Variants in COL18A1 observed in about 807,000 individuals in gnomAD.
COL18A1 encodes collagen type XVIII alpha 1 chain, also known as collagen alpha-1(XVIII) chain.
A neutral mutation model predicts 168.0 loss-of-function variants in COL18A1; 133 were observed. That is an observed-to-expected ratio of 0.79 (90% CI 0.69 to 0.91). The LOEUF is 0.91. COL18A1 is among the 40% of genes least tolerant of loss of function. The pLI is 0.00. For synonymous variants in COL18A1, 949 were observed against 809.0 expected, an observed-to-expected ratio of 1.17 and a Z score of -2.94; for missense variants, 2,126 against 1,925.4, an observed-to-expected ratio of 1.10 and a Z score of -1.95.
At position 45,510,151 on chromosome 21, in the gene COL18A1, G is replaced by A; in HGVS notation, c.3583G>A (p.Ala1195Thr). Residue 1195 changes from alanine to threonine, a missense_variant, in exon 40 of 42, where the codon GCC becomes ACC. Physicochemically the swap from Ala to Thr is moderately conservative, Grantham distance 58. Transcript: ENST00000651438. The stretch of plus-strand genomic sequence containing the variant: ...CTTCCAGTGCTTCCAGCAGGCGCGG[G>A]CCGTGGGGCTGGCGGGCACCTTCCG... The part of the protein sequence containing the change: ...ADFQCFQQAR[A>T]VGLAGTFRAF... The A allele has an allele frequency of 1.3e-6, 2 of 1,599,112 alleles. No individual in the cohort carries two copies. Among genetic ancestry groups the A allele is most frequent in the Non-Finnish European group, 1.7e-6 (2 of 1,173,808 alleles).
At chr21:45,493,345 G>A (rs1371494690) in intron 25 of COL18A1, 120 bp downstream of exon 25, 2 of 1,307,560 alleles carry the variant, frequency 1.5e-6, no homozygotes, top group Admixed American at 2.0e-5. Flanking sequence ...TGACACGTGA[G>A]GGGTACATCC....
In COL18A1 at chr21:45,405,399, G is replaced by A; in HGVS notation, c.32G>A (p.Arg11Gln). The A allele has an allele frequency of 7.6e-7, 1 of 1,315,392 alleles. No homozygotes were observed. The highest frequency in any genetic ancestry group is 1.9e-5 in the South Asian group (1 of 52,230). The allele number at this position is 1,315,392 out of a possible 1,614,324, so 81.5% of individuals were successfully genotyped here. Residue 11 changes from arginine (R) to glutamine (Q), a missense_variant, in exon 2 of 42, where the codon CGG becomes CAG. Transcript: ENST00000651438. MAPRCPWPWP[R>Q]RRRLLDVLAP... ...CGCAGGTGCCCCTGGCCATGGCCGC[G>A]GCGGCGGCGCCTCCTGGACGTGCTC...
rs9979845 is a variant in COL18A1, at chr21:45,480,033, G to C, written c.1312-37G>C. On this transcript the variant is annotated intron_variant, in intron 10 of 41. Coordinates refer to ENST00000651438, the MANE Select transcript of COL18A1 (RefSeq NM_001379500.1). ...TTGGCTCAAGGTGGGGGCTGTGTGC[G>C]TGCCCAGGGTATGATAGGCTTGTCT... is the stretch of plus-strand genomic sequence containing the variant. The C allele has an allele frequency of 3.4e-5, 54 of 1,611,190 alleles. No individual in the cohort carries two copies. The Admixed American group carries it at 4.2e-4, about 12-fold the overall frequency.
At chr21:45,481,909 A>T in intron 13 of COL18A1, 54 bp from the exon 14 acceptor site, 1 of 1,292,526 alleles carries the variant, frequency 7.7e-7, no homozygotes, top group South Asian at 1.2e-5. Context: ...TAACCCAGAA[A>T]TCGTTTTAGT....
intron 2 of COL18A1, among the ~76,000 whole-genome samples, chr21:45,437,274 A>G (rs1425287750): frequency 1.5e-5 from 2 of 129,586 alleles, no homozygotes; most frequent in African/African-American, 6.5e-5. Context: ...ACTCAGACAC[A>G]CAGGCACTCT....
chr21:45,482,375 A>T, intron 14 of COL18A1: 1 of 653,568 alleles, frequency 1.5e-6, no homozygotes. Flanking sequence ...TTGTGGGTGG[A>T]CCTGGCGGGA....
chr21:45,478,826 G>T (rs2035776831), intron 9 of COL18A1, among the ~76,000 whole-genome samples: 1 of 152,246 alleles, frequency 6.6e-6, no homozygotes, highest in Non-Finnish European at 1.5e-5. Context: ...CCTGGGAACA[G>T]CCTGCCCAGC....
At chr21:45,444,692 G>A (rs893692975) in intron 2 of COL18A1, among the ~76,000 whole-genome samples, 5 of 152,134 alleles carry the variant, frequency 3.3e-5, no homozygotes, top group African/African-American at 4.8e-5. Context: ...ACTACTCCAC[G>A]TGTTAGGAGG....
intron 2 of COL18A1, among the ~76,000 whole-genome samples, chr21:45,435,048 G>A (rs548088997): frequency 6.6e-6 from 1 of 152,198 alleles, no homozygotes; most frequent in Admixed American, 6.5e-5. Flanking sequence ...GGAGCACCAA[G>A]GGCTGAAGGA....
chr21:45,416,415 G>A (rs1190464977), intron 2 of COL18A1, among the ~76,000 whole-genome samples: 1 of 151,566 alleles, frequency 6.6e-6, no homozygotes, highest in Non-Finnish European at 1.5e-5. Context: ...TGGGGGTGGT[G>A]TGGGGACCGC....
chr21:45,503,722 C>T (rs1029608807), intron 32 of COL18A1, among the ~76,000 whole-genome samples: 2 of 151,530 alleles, frequency 1.3e-5, no homozygotes, highest in African/African-American at 4.9e-5. Flanking sequence ...ACCAGCATGG[C>T]ACATGTATAC....
chr21:45,509,990 G>A lies in COL18A1; in HGVS notation c.3496-74G>A, dbSNP rs889934982. ...TGCCTGTCCACACAGGTGCGGGGCCGGGGTGGTGCGCCCGGGGCCTGGGTG... is the reference window on the plus strand; with the variant it reads ...TGCCTGTCCACACAGGTGCGGGGCCAGGGTGGTGCGCCCGGGGCCTGGGTG... On this transcript the variant is annotated intron_variant, in intron 39 of 41. Coordinates refer to ENST00000651438, the MANE Select transcript of COL18A1 (RefSeq NM_001379500.1). 2.3e-5 allele frequency: 34 copies of A among 1,491,316 alleles called. No homozygotes were observed. In the South Asian group the frequency reaches 2.9e-4, roughly 13 times the overall value. 92.4% of individuals were successfully genotyped at this position (1,491,316 alleles called of 1,614,324 possible). A position where few individuals can be genotyped will look rare whatever the true frequency, so the allele number is the denominator to read the frequency against.
At chr21:45,480,311 C>T (rs1035182045) in intron 11 of COL18A1, among the ~76,000 whole-genome samples, 155 bp downstream of exon 11, 10 of 152,188 alleles carry the variant, frequency 6.6e-5, no homozygotes, top group Middle Eastern at 3.2e-3. Flanking sequence ...CCCCCATCCA[C>T]CTGCCTTCAG....
At position 45,500,186 on chromosome 21, in the gene COL18A1, GGT is replaced by G. The variant is rs1376156866; in HGVS notation, c.2683+2533_2683+2534del. Among the ~76,000 whole-genome samples, 186 of 71,768 alleles carry G rather than the reference GGT, an allele frequency of 2.6e-3. 2 individuals carry two copies. Among genetic ancestry groups the G allele is most frequent in the African/African-American group, 3.6e-3 (57 of 15,786 alleles). The allele number at this position is 71,768 out of a possible 152,430, so 47.1% of individuals were successfully genotyped here. A position where few individuals can be genotyped will look rare whatever the true frequency, so the allele number is the denominator to read the frequency against. On this transcript the variant is annotated intron_variant, in intron 32 of 41. Transcript: ENST00000651438. Reference sequence around the variant, plus strand: ...GTGTAGTGTGGGGGTGTATAGTGTGGGTGTGTGTGGAGTGTGTGTGGCTGGGT... The same window carrying G: ...GTGTAGTGTGGGGGTGTATAGTGTGGGTGTGTGGAGTGTGTGTGGCTGGGT...
intron 38 of COL18A1, among the ~76,000 whole-genome samples, chr21:45,508,522 A>G (rs1470032738): frequency 6.7e-6 from 1 of 150,178 alleles, no homozygotes; most frequent in Non-Finnish European, 1.5e-5. Context: ...GGGTTAGTGG[A>G]TGGGTGGGTG....
At chr21:45,475,902 G>A (rs2145917162) in intron 5 of COL18A1, among the ~76,000 whole-genome samples, 1 of 152,394 alleles carries the variant, frequency 6.6e-6, no homozygotes, top group East Asian at 1.9e-4. Context: ...ACGACCAGGA[G>A]GAGAAGGCGG....
At chr21:45,470,280 A>C (rs755115616) in intron 3 of COL18A1, among the ~76,000 whole-genome samples, 5 of 152,090 alleles carry the variant, frequency 3.3e-5, no homozygotes, top group Non-Finnish European at 7.4e-5. Flanking sequence ...TTCCTTTGTG[A>C]CTGACCGGTT....
At chr21:45,429,413 A>G (rs1261937568) in intron 2 of COL18A1, among the ~76,000 whole-genome samples, 1 of 152,164 alleles carries the variant, frequency 6.6e-6, no homozygotes, top group East Asian at 1.9e-4. Context: ...AGGAAGGGGC[A>G]GTGCCCACAG....
chr21:45,468,538 A>G lies in COL18A1; in HGVS notation c.403A>G (p.Ile135Val), dbSNP rs759569534. ...TGGGGTGCAGGACGGGCACCAGGACATCTCCCTGCTCTACACAGAACCAGG... is the reference window on the plus strand; with the variant it reads ...TGGGGTGCAGGACGGGCACCAGGACGTCTCCCTGCTCTACACAGAACCAGG... Reference protein sequence around the residue: ...LSGVQDGHQDISLLYTEPGAG... With the variant: ...LSGVQDGHQDVSLLYTEPGAG... Residue 135 changes from isoleucine to valine, a missense_variant, in exon 3 of 42, where the codon ATC becomes GTC. Coordinates refer to ENST00000651438, the MANE Select transcript of COL18A1 (RefSeq NM_001379500.1). 6.2e-7 allele frequency: 1 copy of G among 1,613,404 alleles called. No homozygotes were observed. Among genetic ancestry groups the G allele is most frequent in the Non-Finnish European group, 8.5e-7 (1 of 1,179,832 alleles).
Sources: allele counts gnomAD v4.1 joint callset (sites outside exome capture counted in the v4.1 genomes callset), GRCh38; gene constraint gnomAD v4.1.1; transcripts MANE v1.5; gene names NCBI Gene and HGNC (gene_info 2026-07-23, HGNC 2026-07-21).